The following GRIA4 variants were observed in gnomAD, a reference collection of about 807,000 sequenced individuals.
GRIA4 encodes glutamate receptor 4.
GRIA4 carries 34 observed loss-of-function variants against 104.0 expected under a neutral mutation model. The observed-to-expected ratio is 0.33, with a 90% CI of 0.25 to 0.44. The LOEUF (loss-of-function observed/expected upper bound fraction) is 0.44, where lower values mean the gene tolerates loss of function less well. Ranked by LOEUF, GRIA4 falls within the 20% of genes least tolerant of loss-of-function variation. The probability of loss-of-function intolerance (pLI) is 1.00; values close to 1 mark genes in which losing one functional copy is unlikely to be tolerated. For missense variants in GRIA4, 750 were observed against 1,096.5 expected (o/e 0.68, Z 4.46); for synonymous variants, 386 against 381.9 (o/e 1.01, Z -0.13).
chr11:105,868,002 G>T (rs552098893), intron 5 of GRIA4, among the ~76,000 whole-genome samples: 61 of 152,232 alleles, frequency 4.0e-4, no homozygotes, highest in African/African-American at 1.3e-3. Context: ...AGCAACTCAT[G>T]GTCCTTACAC....
At chr11:105,885,547 G>A (rs945266497) in intron 5 of GRIA4, among the ~76,000 whole-genome samples, 2 of 152,214 alleles carry the variant, frequency 1.3e-5, no homozygotes, top group African/African-American at 4.8e-5. Flanking sequence ...GATTGGGTAG[G>A]CTGATTGGTC....
intron 3 of GRIA4, among the ~76,000 whole-genome samples, chr11:105,696,564 T>C (rs556456439): frequency 6.6e-6 from 1 of 152,276 alleles, no homozygotes; most frequent in South Asian, 2.1e-4. Flanking sequence ...AATTTAATAA[T>C]AATAAGCATT....
chr11:105,679,785 C>T (rs1207484647), intron 3 of GRIA4, among the ~76,000 whole-genome samples: 4 of 152,058 alleles, frequency 2.6e-5, no homozygotes, highest in Non-Finnish European at 4.4e-5. Context: ...TTATAACAAC[C>T]TTCTTTCACT....
intron 14 of GRIA4, among the ~76,000 whole-genome samples, chr11:105,967,583 A>G (rs1858452422): frequency 6.6e-6 from 1 of 152,146 alleles, no homozygotes; most frequent in Non-Finnish European, 1.5e-5. Flanking sequence ...TTTAGAATGA[A>G]CGCTATTTCA....
intron 3 of GRIA4, among the ~76,000 whole-genome samples, chr11:105,689,993 T>C (rs567612152): frequency 6.6e-6 from 1 of 152,224 alleles, no homozygotes; most frequent in African/African-American, 2.4e-5. Flanking sequence ...TTTTAATTAG[T>C]GCTTATCCTT....
chr11:105,840,181 A>G (rs1182296818), intron 4 of GRIA4, among the ~76,000 whole-genome samples: 1 of 152,228 alleles, frequency 6.6e-6, no homozygotes, highest in Non-Finnish European at 1.5e-5. Flanking sequence ...TCCTTTGACT[A>G]CTAGGTTAAA....
At position 105,663,735 on chromosome 11, in the gene GRIA4, T is replaced by A. The variant is rs559814167; in HGVS notation, c.247+51301T>A. On this transcript the variant is annotated intron_variant, in intron 3 of 16. Coordinates refer to ENST00000282499, the MANE Select transcript of GRIA4 (RefSeq NM_000829.4). ...AAATGACTCAAATATAGGGAAACTT[T>A]CAAAACTTTATATGGCTGGAAAGTA... 7.2e-5 allele frequency among the ~76,000 whole-genome samples: 11 copies of A among 152,014 alleles called. No homozygotes were observed. In the East Asian group the frequency reaches 7.7e-4, roughly 11 times the overall value.
intron 3 of GRIA4, among the ~76,000 whole-genome samples, chr11:105,701,970 T>C (rs886963539): frequency 1.3e-5 from 2 of 152,164 alleles, no homozygotes; most frequent in South Asian, 2.1e-4. Context: ...GATCTCACTC[T>C]ATCTCCCAGA....
At chr11:105,965,083 A>G (rs1280171372) in intron 14 of GRIA4, among the ~76,000 whole-genome samples, 1 of 152,110 alleles carries the variant, frequency 6.6e-6, no homozygotes, top group Non-Finnish European at 1.5e-5. Flanking sequence ...CTGGGATTAC[A>G]GGCGTGAGCC....
In GRIA4 at chr11:105,799,075, G is replaced by C. The variant is rs192308517; in HGVS notation, c.487+45855G>C. ...GCCCTATGGCACTCTGATCCTTAGA[G>C]ATGGTTGAGATGAAAAGGAACCAAC... is the stretch of plus-strand genomic sequence containing the variant. On this transcript the variant is annotated intron_variant, in intron 4 of 16. Transcript: ENST00000282499. Among the ~76,000 whole-genome samples the C allele has an allele frequency of 6.1e-3, 925 of 152,276 alleles. 6 individuals are homozygous for C. Among genetic ancestry groups the C allele is most frequent in the Middle Eastern group, 0.01 (3 of 294 alleles).
At chr11:105,645,164 G>A (rs1352213052) in intron 3 of GRIA4, among the ~76,000 whole-genome samples, 2 of 152,256 alleles carry the variant, frequency 1.3e-5, no homozygotes, top group Non-Finnish European at 2.9e-5. Context: ...GAGATGGGTC[G>A]GGGGAAAGAA....
chr11:105,720,243 T>C (rs1937699887), intron 3 of GRIA4, among the ~76,000 whole-genome samples: 2 of 151,980 alleles, frequency 1.3e-5, no homozygotes, highest in African/African-American at 4.8e-5. Flanking sequence ...GATGCAACTT[T>C]GCTGGGCCCA....
intron 5 of GRIA4, among the ~76,000 whole-genome samples, chr11:105,868,347 G>A (rs1453181301): frequency 6.6e-6 from 1 of 152,158 alleles, no homozygotes; most frequent in Non-Finnish European, 1.5e-5. Context: ...AGTTGAAGCT[G>A]TAAAGATTGG....
chr11:105,669,202 A>T (rs941924358), intron 3 of GRIA4, among the ~76,000 whole-genome samples: 6 of 152,026 alleles, frequency 3.9e-5, no homozygotes, highest in African/African-American at 1.4e-4. Context: ...GTCCTAATTT[A>T]GACCGCAATT....
At chr11:105,759,976 TATGA>T (rs1432499087) in intron 4 of GRIA4, among the ~76,000 whole-genome samples, 1 of 119,014 alleles carries the variant, frequency 8.4e-6, no homozygotes. Flanking sequence ...ACTTAATAAA[TATGA>T]ATGAATGAAT....
At chr11:105,954,730 C>T (rs146252448) in intron 14 of GRIA4, among the ~76,000 whole-genome samples, 6 of 151,858 alleles carry the variant, frequency 4.0e-5, no homozygotes, top group East Asian at 1.9e-4. Context: ...AACACTATAA[C>T]GCCAGAAGCT....
At chr11:105,762,940 T>C (rs1940737817) in intron 4 of GRIA4, among the ~76,000 whole-genome samples, 1 of 152,174 alleles carries the variant, frequency 6.6e-6, no homozygotes, top group Non-Finnish European at 1.5e-5. Flanking sequence ...GATTATACAA[T>C]AGCAAAATGT....
chr11:105,791,786 T>C (rs1942224930), intron 4 of GRIA4, among the ~76,000 whole-genome samples: 1 of 152,180 alleles, frequency 6.6e-6, no homozygotes, highest in Non-Finnish European at 1.5e-5. Context: ...AATTTGAATG[T>C]CCATTTGAAG....
At chr11:105,931,661 T>C (rs1947879721) in intron 13 of GRIA4, among the ~76,000 whole-genome samples, 1 of 151,988 alleles carries the variant, frequency 6.6e-6, no homozygotes, top group South Asian at 2.1e-4. Flanking sequence ...GCCAAGAGCA[T>C]GCCACTACAT....
Sources: gnomAD v4.1 joint callset for allele counts (sites outside exome capture counted in the v4.1 genomes callset) on GRCh38, gnomAD v4.1.1 for gene constraint, MANE v1.5 for transcripts, NCBI Gene and HGNC (gene_info 2026-07-23, HGNC 2026-07-21) for gene names.